ATP6V1E1: variants seen among roughly 807,000 people sequenced by gnomAD.
The protein encoded by ATP6V1E1 is V-type proton ATPase subunit E 1.
ATP6V1E1 carries 21 observed loss-of-function variants against 35.2 expected under a neutral mutation model. That is an observed-to-expected ratio of 0.60 (90% CI 0.42 to 0.86). ATP6V1E1 has a LOEUF of 0.86. ATP6V1E1 is among the 40% of genes least tolerant of loss of function. The pLI is 0.00. For missense variants in ATP6V1E1, 183 were observed against 272.6 expected, an observed-to-expected ratio of 0.67 and a Z score of 2.32; for synonymous variants, 83 against 87.8, an observed-to-expected ratio of 0.95 and a Z score of 0.30.
At chr22:17,593,070 G>A (rs548887331) in intron 8 of ATP6V1E1, among the ~76,000 whole-genome samples, 39 of 152,174 alleles carry the variant, frequency 2.6e-4, no homozygotes, top group African/African-American at 9.4e-4. Context: ...TTACAGGCGT[G>A]AGCCACCAAG....
At chr22:17,613,105 T>C in intron 3 of ATP6V1E1, 106 bp downstream of exon 3, 1 of 942,950 alleles carries the variant, frequency 1.1e-6, no homozygotes, top group Admixed American at 2.7e-5. Context: ...AGATTAGTAG[T>C]AGGTGGTCGA....
intron 1 of ATP6V1E1, 127 bp downstream of exon 1, chr22:17,628,476 G>A: frequency 4.6e-6 from 6 of 1,318,012 alleles, no homozygotes; most frequent in Non-Finnish European, 6.5e-6. Flanking sequence ...TGGATCTGGT[G>A]ACTTGGAGCA....
chr22:17,603,549 C>T (rs969450010), intron 4 of ATP6V1E1, among the ~76,000 whole-genome samples: 5 of 151,858 alleles, frequency 3.3e-5, no homozygotes, highest in African/African-American at 1.2e-4. Flanking sequence ...TGCAGTGGCT[C>T]ACACCTCTGA....
At chr22:17,603,143 T>G (rs983134741) in intron 4 of ATP6V1E1, among the ~76,000 whole-genome samples, 1 of 151,904 alleles carries the variant, frequency 6.6e-6, no homozygotes, top group African/African-American at 2.4e-5. Flanking sequence ...AGAGACGGAG[T>G]TTCACCATGT....
chr22:17,619,371 T>G lies in ATP6V1E1; in HGVS notation c.99+90A>C, dbSNP rs2057863717. 3.6e-6 allele frequency: 4 copies of G among 1,116,786 alleles called. No homozygotes were observed. In the African/African-American group the frequency reaches 6.3e-5, roughly 18 times the overall value. 69.2% of individuals were successfully genotyped at this position (1,116,786 alleles called of 1,614,324 possible). Reference sequence around the variant, plus strand: ...TTTTTATCAGTCCGATGCAATCTGTTGTTAAGCAGTTTTACTAACAATATT... The same window carrying G: ...TTTTTATCAGTCCGATGCAATCTGTGGTTAAGCAGTTTTACTAACAATATT... On this transcript the variant is annotated intron_variant, in intron 2 of 8. Coordinates refer to ENST00000253413, the MANE Select transcript of ATP6V1E1 (RefSeq NM_001696.4).
At chr22:17,592,813 T>C (rs939381165) in intron 8 of ATP6V1E1, 77 bp from the exon 9 acceptor site, 4 of 1,390,034 alleles carry the variant, frequency 2.9e-6, no homozygotes, top group Non-Finnish European at 4.0e-6. Flanking sequence ...TTTTTTTTTT[T>C]TTTTTTTGAG....
chr22:17,592,406 T>C lies in ATP6V1E1; in HGVS notation c.*268A>G. ...ACCCAGGAAGCCCATGCAACCACCA[T>C]CTGCCCCCTCCCCTAGTGCTGCAGA... is the stretch of plus-strand genomic sequence containing the variant. On this transcript the variant is annotated 3_prime_UTR_variant, in exon 9 of 9. Transcript: ENST00000253413. 2.2e-6 allele frequency: 1 copy of C among 460,978 alleles called. No individual in the cohort carries two copies. The highest frequency in any genetic ancestry group is 4.0e-6 in the Non-Finnish European group (1 of 253,130). 28.6% of individuals were successfully genotyped at this position (460,978 alleles called of 1,614,324 possible). A position where few individuals can be genotyped will look rare whatever the true frequency, so the allele number is the denominator to read the frequency against.
chr22:17,601,983 C>T (rs1185804083), intron 4 of ATP6V1E1, among the ~76,000 whole-genome samples: 1 of 152,084 alleles, frequency 6.6e-6, no homozygotes, highest in Non-Finnish European at 1.5e-5. Context: ...TGGCTCTCTA[C>T]AGCCTTGACC....
intron 5 of ATP6V1E1, chr22:17,600,728 A>G (rs879424429): frequency 2.1e-4 from 33 of 160,452 alleles, no homozygotes; most frequent in Non-Finnish European, 4.1e-4. Context: ...AAACAATTAA[A>G]ACATATACAG....
intron 5 of ATP6V1E1, chr22:17,600,840 ATG>A (rs1179340638): frequency 1.1e-5 from 3 of 284,192 alleles, no homozygotes; most frequent in Non-Finnish European, 2.0e-5. Context: ...CCCTTAAGTC[ATG>A]TAAGACTACA....
Position 17,601,175 on chromosome 22 carries a change from G to A in ATP6V1E1, c.283C>T (p.Leu95=), listed in dbSNP as rs760815487. 9 of 1,613,070 alleles carry A rather than the reference G, an allele frequency of 5.6e-6. No homozygotes were observed. In the East Asian group the frequency reaches 1.8e-4, roughly 32 times the overall value. The part of the protein sequence containing the change: ...RARDDLITDL[L]NEAKQRLSKV... ...CTGAGTCTCTGTTTTGCTTCATTTA[G>A]TAGGTCCTACAAAGATTAGAAAAGA... The change falls in exon 5 of 9, where the codon CTA becomes TTA. Residue 95 remains leucine, a synonymous_variant. Transcript: ENST00000253413.
chr22:17,597,944 TG>T, intron 7 of ATP6V1E1: 1 of 446,588 alleles, frequency 2.2e-6, no homozygotes, highest in South Asian at 2.6e-5. Context: ...CCCAAAGTGT[TG>T]GGATTACAGG....
intron 8 of ATP6V1E1, 49 bp from the exon 9 acceptor site, chr22:17,592,785 T>C (rs1287299261): frequency 1.4e-6 from 2 of 1,478,082 alleles, no homozygotes; most frequent in Admixed American, 3.4e-5. Context: ...GAAGAAGTTG[T>C]AGAGCGCTGC....
intron 4 of ATP6V1E1, among the ~76,000 whole-genome samples, chr22:17,611,610 T>C (rs1480645889): frequency 6.6e-6 from 1 of 152,182 alleles, no homozygotes; most frequent in African/African-American, 2.4e-5. Context: ...AAAAAAGAAC[T>C]AGTTATTTTT....
At chr22:17,620,795 G>A (rs970205150) in intron 1 of ATP6V1E1, among the ~76,000 whole-genome samples, 1 of 152,072 alleles carries the variant, frequency 6.6e-6, no homozygotes, top group African/African-American at 2.4e-5. Flanking sequence ...CGGGCATGGT[G>A]GCTCACGCCT....
At chr22:17,615,328 AATTTTATTATACATT>A (rs1169616440) in intron 2 of ATP6V1E1, among the ~76,000 whole-genome samples, 1 of 151,820 alleles carries the variant, frequency 6.6e-6, no homozygotes, top group South Asian at 2.1e-4. Flanking sequence ...TTTATACATA[AATTTTATTATACATT>A]ATTTTATTAT....
chr22:17,594,532 C>T lies in ATP6V1E1; in HGVS notation c.615G>A (p.Gln205=). 6.3e-7 allele frequency: 1 copy of T among 1,581,722 alleles called. No individual in the cohort carries two copies. Among genetic ancestry groups the T allele is most frequent in the Non-Finnish European group, 8.6e-7 (1 of 1,164,026 alleles). ...TLESRLDLIA[Q]QMMPEVRGAL... is the part of the protein sequence containing the mutation. ...CAAGAAGTACCCCCACACTCACCTG[C>T]TGGGCTATGAGATCCAGCCGGCTTT... Residue 205 remains glutamine, a synonymous_variant, in exon 8 of 9, where the codon CAG becomes CAA. Transcript: ENST00000253413.
At position 17,594,520 on chromosome 22, in the gene ATP6V1E1, C is replaced by A; in HGVS notation, c.618+9G>T. On this transcript the variant is annotated intron_variant, in intron 8 of 8. Coordinates refer to ENST00000253413, the MANE Select transcript of ATP6V1E1 (RefSeq NM_001696.4). Reference sequence around the variant, plus strand: ...CAGACCAACTACCAAGAAGTACCCCCACACTCACCTGCTGGGCTATGAGAT... The same window carrying A: ...CAGACCAACTACCAAGAAGTACCCCAACACTCACCTGCTGGGCTATGAGAT... 1 of 1,562,048 alleles carries A rather than the reference C, an allele frequency of 6.4e-7. No individual in the cohort carries two copies.
intron 1 of ATP6V1E1, among the ~76,000 whole-genome samples, chr22:17,625,420 G>C (rs928362177): frequency 6.6e-6 from 1 of 151,754 alleles, no homozygotes; most frequent in Non-Finnish European, 1.5e-5. Context: ...CACCTCGCCC[G>C]GCTAATTTTG....
Sources: gnomAD v4.1 joint callset for allele counts (sites outside exome capture counted in the v4.1 genomes callset) on GRCh38, gnomAD v4.1.1 for gene constraint, MANE v1.5 for transcripts, NCBI Gene and HGNC (gene_info 2026-07-23, HGNC 2026-07-21) for gene names.